The following MAPK8 variants were observed in gnomAD, a reference collection of about 807,000 sequenced individuals.
MAPK8 encodes the protein JUN N-terminal kinase.
Under a neutral mutation model 52.9 loss-of-function variants are expected in MAPK8, and 13 were observed. The observed-to-expected ratio is 0.25, with a 90% CI of 0.16 to 0.39. The LOEUF is 0.39. Ranked by LOEUF, MAPK8 falls within the 10% of genes least tolerant of loss-of-function variation. The pLI is 1.00. For missense variants in MAPK8, 300 were observed against 519.2 expected (o/e 0.58, Z 4.10); for synonymous variants, 191 against 169.8 (o/e 1.12, Z -0.97).
In MAPK8 at chr10:48,356,841, C is replaced by CAAAAA. The variant is rs869186711; in HGVS notation, c.-49-44736_-49-44732dup. Among the ~76,000 whole-genome samples the CAAAAA allele has an allele frequency of 7.3e-4, 22 of 30,274 alleles. 1 individual carries two copies. Among genetic ancestry groups the CAAAAA allele is most frequent in the Non-Finnish European group, 1.1e-3 (16 of 15,178 alleles). 19.9% of individuals were successfully genotyped at this position (30,274 alleles called of 152,430 possible). A position where few individuals can be genotyped will look rare whatever the true frequency, so the allele number is the denominator to read the frequency against. On this transcript the variant is annotated intron_variant, in intron 1 of 11. Transcript: ENST00000374189. ...TGGGTGACAGAGTGAGACTCCGTCT[C>CAAAAA]AAAAAAAAAAAAAAAAAAAAAAAAA...
intron 5 of MAPK8, among the ~76,000 whole-genome samples, chr10:48,416,605 C>A (rs1206897152): frequency 6.6e-6 from 1 of 152,224 alleles, no homozygotes; most frequent in African/African-American, 2.4e-5. Flanking sequence ...ATGGCCAACC[C>A]TATAACCACT....
intron 1 of MAPK8, among the ~76,000 whole-genome samples, chr10:48,362,330 C>G (rs1847607920): frequency 6.6e-6 from 1 of 151,998 alleles, no homozygotes; most frequent in Non-Finnish European, 1.5e-5. Context: ...TCAAAGATAT[C>G]TGTAGCATTT....
In MAPK8 at chr10:48,421,119, C is replaced by A. The variant is rs142406717; in HGVS notation, c.616+799C>A. On this transcript the variant is annotated intron_variant, in intron 6 of 11. Transcript: ENST00000374189. ...ATCCAAAATACTACCAAGAATAAAA[C>A]CTAGACATTTTTTCTGGCAAGGAAT... 1.1e-3 allele frequency among the ~76,000 whole-genome samples: 169 copies of A among 152,140 alleles called. 1 individual carries two copies. The highest frequency in any genetic ancestry group is 3.8e-3 in the African/African-American group (158 of 41,518).
rs144057900 is a variant in MAPK8, at chr10:48,432,002, A to T, written c.1138+732A>T. On this transcript the variant is annotated intron_variant, in intron 11 of 11. Transcript: ENST00000374189. The stretch of plus-strand genomic sequence containing the variant: ...GTTCAGAAATTTGAAGTAACATAAG[A>T]TTCCAAATCTATTATGTAGATGAAC... 2.6e-5 allele frequency among the ~76,000 whole-genome samples: 4 copies of T among 152,318 alleles called. No individual in the cohort carries two copies. In the East Asian group the frequency reaches 7.7e-4, roughly 29 times the overall value.
chr10:48,413,812 T>TTG (rs1156857548), intron 5 of MAPK8, among the ~76,000 whole-genome samples: 1 of 112,176 alleles, frequency 8.9e-6, no homozygotes, highest in African/African-American at 3.5e-5. Flanking sequence ...TTTGCCAGAA[T>TTG]TGTTATATAT....
At chr10:48,400,389 A>G (rs1296715963) in intron 1 of MAPK8, among the ~76,000 whole-genome samples, 1 of 151,952 alleles carries the variant, frequency 6.6e-6, no homozygotes, top group Non-Finnish European at 1.5e-5. Flanking sequence ...AGTTTTGTTT[A>G]TTTTTAACTC....
At chr10:48,343,615 T>G (rs1881741) in intron 1 of MAPK8, among the ~76,000 whole-genome samples, 1 of 152,064 alleles carries the variant, frequency 6.6e-6, no homozygotes, top group South Asian at 2.1e-4. Context: ...AATGTGAATT[T>G]AAAAAGTCCA....
intron 1 of MAPK8, among the ~76,000 whole-genome samples, chr10:48,346,159 CAG>C (rs1020857336): frequency 2.4e-4 from 36 of 152,160 alleles, no homozygotes; most frequent in African/African-American, 6.5e-4. Context: ...AGGCAAGAGA[CAG>C]GGGACACGAG....
chr10:48,343,736 A>G lies in MAPK8; in HGVS notation c.-50+36915A>G, dbSNP rs112232548. 2.9e-3 allele frequency among the ~76,000 whole-genome samples: 436 copies of G among 152,300 alleles called. 3 individuals are homozygous for G. The highest frequency in any genetic ancestry group is 0.01 in the African/African-American group (424 of 41,550). On this transcript the variant is annotated intron_variant, in intron 1 of 11. Coordinates refer to ENST00000374189, the MANE Select transcript of MAPK8 (RefSeq NM_001323329.2). ...TGATTGCTTTTTCTCTGTGAGATGG[A>G]ATTATTGGAGATTGAAATTTTGAAA...
At chr10:48,411,409 A>G (rs1207787968) in intron 5 of MAPK8, among the ~76,000 whole-genome samples, 1 of 152,238 alleles carries the variant, frequency 6.6e-6, no homozygotes, top group East Asian at 1.9e-4. Flanking sequence ...CCCTGTCAAA[A>G]AACAGTTGGT....
At chr10:48,410,247 A>G in intron 5 of MAPK8, 79 bp downstream of exon 5, 3 of 1,323,760 alleles carry the variant, frequency 2.3e-6, no homozygotes, top group Non-Finnish European at 2.0e-6. Flanking sequence ...ACCATTCTAA[A>G]GTGGCATTTT....
chr10:48,363,643 T>C (rs1847766111), intron 1 of MAPK8, among the ~76,000 whole-genome samples: 1 of 152,216 alleles, frequency 6.6e-6, no homozygotes, highest in Admixed American at 6.5e-5. Context: ...ACTGTTTTCA[T>C]AGGGAATTGA....
chr10:48,343,991 T>C (rs1454153129), intron 1 of MAPK8, among the ~76,000 whole-genome samples: 2 of 152,350 alleles, frequency 1.3e-5, no homozygotes, highest in Admixed American at 6.5e-5. Context: ...GAGTTTGATA[T>C]GTTGGTTTGC....
Position 48,389,914 on chromosome 10 carries a change from G to T in MAPK8, c.-49-11698G>T, listed in dbSNP as rs559856212. Among the ~76,000 whole-genome samples the T allele has an allele frequency of 4.6e-5, 7 of 152,298 alleles. No individual in the cohort carries two copies. The South Asian group carries it at 1.4e-3, about 32-fold the overall frequency. On this transcript the variant is annotated intron_variant, in intron 1 of 11. Transcript: ENST00000374189. ...GCATCTCTGAGGAGCTGTATTAAGAGATTTATTATACGGAATTAGTTCATG... is the reference window on the plus strand; with the variant it reads ...GCATCTCTGAGGAGCTGTATTAAGATATTTATTATACGGAATTAGTTCATG...
chr10:48,406,126 A>G (rs1400912319), intron 3 of MAPK8, among the ~76,000 whole-genome samples: 1 of 152,180 alleles, frequency 6.6e-6, no homozygotes, highest in Admixed American at 6.6e-5. Flanking sequence ...TGACTCTTAA[A>G]GATGGGGTAA....
intron 1 of MAPK8, among the ~76,000 whole-genome samples, chr10:48,354,013 C>G (rs1033264471): frequency 7.2e-5 from 11 of 152,148 alleles, no homozygotes; most frequent in Non-Finnish European, 1.5e-4. Flanking sequence ...TAGCTATACA[C>G]ACACACTGTA....
intron 1 of MAPK8, among the ~76,000 whole-genome samples, chr10:48,356,180 AT>A (rs1846916094): frequency 6.6e-6 from 1 of 152,182 alleles, no homozygotes; most frequent in Non-Finnish European, 1.5e-5. Flanking sequence ...AACAGTAATC[AT>A]TTTCATAGGC....
chr10:48,379,687 A>G (rs1458388689), intron 1 of MAPK8, among the ~76,000 whole-genome samples: 3 of 152,210 alleles, frequency 2.0e-5, no homozygotes, highest in Non-Finnish European at 2.9e-5. Context: ...AAATCATTTC[A>G]GTCCTCTATC....
rs1275358769 is a variant in MAPK8, at chr10:48,435,238, T to TG, written c.*209_*210insG. ...TCAAAACAGCAACAAAACTGTATTG[T>TG]ATTTTTTTTGCTGTAATTAACTGTA... On this transcript the variant is annotated 3_prime_UTR_variant, in exon 12 of 12. Transcript: ENST00000374189. 1.2e-4 allele frequency: 52 copies of TG among 446,476 alleles called. No individual in the cohort carries two copies. Among genetic ancestry groups the TG allele is most frequent in the Non-Finnish European group, 1.8e-4 (45 of 255,340 alleles). The allele number at this position is 446,476 out of a possible 1,614,324, so 27.7% of individuals were successfully genotyped here. A position where few individuals can be genotyped will look rare whatever the true frequency, so the allele number is the denominator to read the frequency against.
Sources: gnomAD v4.1 joint callset for allele counts (sites outside exome capture counted in the v4.1 genomes callset) on GRCh38, gnomAD v4.1.1 for gene constraint, MANE v1.5 for transcripts, NCBI Gene and HGNC (gene_info 2026-07-23, HGNC 2026-07-21) for gene names.